ADGRB3: variants seen among roughly 807,000 people sequenced by gnomAD.
The protein encoded by ADGRB3 is adhesion G protein-coupled receptor B3, also known as brain-specific angiogenesis inhibitor 3.
Under a neutral mutation model 193.4 loss-of-function variants are expected in ADGRB3, and 37 were observed. That is an observed-to-expected ratio of 0.19 (90% CI 0.15 to 0.25). The LOEUF (loss-of-function observed/expected upper bound fraction) is 0.25. ADGRB3 is among the 10% of genes least tolerant of loss of function. The pLI is 1.00. For synonymous variants in ADGRB3, 690 were observed against 644.2 expected (o/e 1.07, Z -1.08); for missense variants, 1,637 against 1,852.9 (o/e 0.88, Z 2.14).
intron 10 of ADGRB3, among the ~76,000 whole-genome samples, chr6:68,991,242 T>C (rs1017597160): frequency 6.6e-6 from 1 of 152,152 alleles, no homozygotes; most frequent in African/African-American, 2.4e-5. Context: ...TGGAAGTTGA[T>C]TCAATAACCC....
chr6:68,978,275 A>G (rs1768804897), intron 10 of ADGRB3, among the ~76,000 whole-genome samples: 1 of 151,168 alleles, frequency 6.6e-6, no homozygotes, highest in Admixed American at 6.6e-5. Flanking sequence ...AGAAAAGTAT[A>G]GATAAATTAG....
In ADGRB3 at chr6:68,993,679, G is replaced by C. The variant is rs1329843912; in HGVS notation, c.1735-89G>C. The C allele has an allele frequency of 2.5e-5, 34 of 1,342,428 alleles. No homozygotes were observed. In the East Asian group the frequency reaches 7.6e-4, roughly 30 times the overall value. The allele number at this position is 1,342,428 out of a possible 1,614,324, so 83.2% of individuals were successfully genotyped here. ...TGCAAGGCTATTTTAAGTTAATTGA[G>C]CAATTTTAAATAAAGTTGTTTGATG... On this transcript the variant is annotated intron_variant, in intron 10 of 31. Coordinates refer to ENST00000370598, the MANE Select transcript of ADGRB3 (RefSeq NM_001704.3).
chr6:68,806,225 A>T (rs1186562640), intron 3 of ADGRB3, among the ~76,000 whole-genome samples: 1 of 152,230 alleles, frequency 6.6e-6, no homozygotes, highest in Non-Finnish European at 1.5e-5. Flanking sequence ...ATAATTCCAG[A>T]ATGTAGTAAG....
intron 30 of ADGRB3, among the ~76,000 whole-genome samples, chr6:69,376,003 C>T (rs574152812): frequency 1.5e-4 from 22 of 148,998 alleles, no homozygotes; most frequent in Admixed American, 8.8e-4. Context: ...ACTTGTCATA[C>T]GGATATGTCT....
At chr6:69,180,183 G>A (rs1454842203) in intron 17 of ADGRB3, among the ~76,000 whole-genome samples, 1 of 152,210 alleles carries the variant, frequency 6.6e-6, no homozygotes, top group African/African-American at 2.4e-5. Flanking sequence ...GCTGCTTCAG[G>A]TGCCTGGAGA....
At chr6:69,332,736 T>G in intron 23 of ADGRB3, 187 bp from the exon 24 acceptor site, 3 of 985,444 alleles carry the variant, frequency 3.0e-6, no homozygotes, top group Non-Finnish European at 3.6e-6. Flanking sequence ...CTTTACAACT[T>G]TAAAGTAGCA....
At chr6:69,234,663 C>G (rs1473825960) in intron 18 of ADGRB3, among the ~76,000 whole-genome samples, 1 of 151,970 alleles carries the variant, frequency 6.6e-6, no homozygotes, top group Non-Finnish European at 1.5e-5. Context: ...AATGACTAAC[C>G]TGCAGTTAGT....
intron 20 of ADGRB3, among the ~76,000 whole-genome samples, chr6:69,304,018 T>G (rs1768008540): frequency 1.3e-5 from 2 of 151,900 alleles, no homozygotes; most frequent in Admixed American, 1.3e-4. Flanking sequence ...TTTAATTGCT[T>G]TCATCATTTC....
intron 13 of ADGRB3, among the ~76,000 whole-genome samples, chr6:69,043,288 G>GAGAGAGAAAGAAAGAAAGAA (rs1472684260): frequency 7.4e-6 from 1 of 134,378 alleles, no homozygotes; most frequent in African/African-American, 2.9e-5. Context: ...AAGGAAGAAA[G>GAGAGAGAAAGAAAGAAAGAA]AGAGAAAGAA....
At chr6:68,698,955 A>C (rs891523061) in intron 3 of ADGRB3, among the ~76,000 whole-genome samples, 2 of 152,128 alleles carry the variant, frequency 1.3e-5, no homozygotes, top group Non-Finnish European at 2.9e-5. Flanking sequence ...TTTAATTTTT[A>C]TCTATGATTC....
intron 20 of ADGRB3, among the ~76,000 whole-genome samples, chr6:69,278,496 T>C (rs2127283691): frequency 6.6e-6 from 1 of 152,334 alleles, no homozygotes; most frequent in South Asian, 2.1e-4. Flanking sequence ...TTGTTTATGA[T>C]ATTTTCATCT....
intron 3 of ADGRB3, among the ~76,000 whole-genome samples, chr6:68,646,010 G>A (rs1000389885): frequency 6.6e-6 from 1 of 151,926 alleles, no homozygotes; most frequent in Non-Finnish European, 1.5e-5. Context: ...CCCTTCTTCA[G>A]TTTCTGGTAG....
intron 30 of ADGRB3, among the ~76,000 whole-genome samples, chr6:69,375,657 G>A (rs1769800777): frequency 6.6e-6 from 1 of 152,056 alleles, no homozygotes; most frequent in Non-Finnish European, 1.5e-5. Context: ...GTCGAGATTT[G>A]GGCTCTAAGA....
chr6:68,729,288 C>G (rs954628153), intron 3 of ADGRB3, among the ~76,000 whole-genome samples: 5 of 151,464 alleles, frequency 3.3e-5, no homozygotes, highest in African/African-American at 1.2e-4. Flanking sequence ...CAGAAATACC[C>G]CTGGATAAGT....
intron 10 of ADGRB3, among the ~76,000 whole-genome samples, chr6:68,977,727 A>T (rs973482824): frequency 6.6e-6 from 1 of 152,154 alleles, no homozygotes; most frequent in Non-Finnish European, 1.5e-5. Flanking sequence ...CGGCTCCTAC[A>T]TAGTACTAGG....
At chr6:68,778,317 T>A (rs1024558813) in intron 3 of ADGRB3, among the ~76,000 whole-genome samples, 2 of 152,106 alleles carry the variant, frequency 1.3e-5, no homozygotes, top group Admixed American at 1.3e-4. Flanking sequence ...AAAAACTAGA[T>A]CTTTAAAATC....
intron 10 of ADGRB3, among the ~76,000 whole-genome samples, chr6:68,983,267 C>T (rs72906780): frequency 0.042 from 6,349 of 151,624 alleles, 210 homozygotes; most frequent in Non-Finnish European, 0.064. Flanking sequence ...TCACTAAAAG[C>T]TGAGGAGATT....
intron 5 of ADGRB3, among the ~76,000 whole-genome samples, chr6:68,940,173 T>C (rs1767595886): frequency 6.6e-6 from 1 of 152,178 alleles, no homozygotes. Context: ...TAAAAAACAA[T>C]GGACATAAAC....
At chr6:69,072,285 T>C (rs1772098790) in intron 16 of ADGRB3, among the ~76,000 whole-genome samples, 1 of 152,130 alleles carries the variant, frequency 6.6e-6, no homozygotes, top group South Asian at 2.1e-4. Flanking sequence ...TTGGAACCTA[T>C]AATAATGCTC....
Sources: allele counts gnomAD v4.1 joint callset (sites outside exome capture counted in the v4.1 genomes callset), GRCh38; gene constraint gnomAD v4.1.1; transcripts MANE v1.5; gene names NCBI Gene and HGNC (gene_info 2026-07-23, HGNC 2026-07-21).